The following RAB30 variants were observed in gnomAD, a reference collection of about 807,000 sequenced individuals.
The protein encoded by RAB30 is RAB30, member RAS oncogene family, also known as ras-related protein Rab-30.
In RAB30, 9 loss-of-function variants were observed where a neutral mutation model predicts 25.1. The observed-to-expected ratio is 0.36, with a 90% CI of 0.22 to 0.63. RAB30 has a LOEUF of 0.63. Among genes scored for constraint, RAB30 ranks in the 20% least tolerant of loss-of-function variants. The probability of loss-of-function intolerance (pLI) is 0.69; values close to 1 mark genes in which losing one functional copy is unlikely to be tolerated. For missense variants in RAB30, 140 were observed against 243.5 expected (o/e 0.58, Z 2.83); for synonymous variants, 77 against 86.4 (o/e 0.89, Z 0.60).
intron 1 of RAB30, among the ~76,000 whole-genome samples, chr11:83,032,428 A>G (rs1359935620): frequency 6.6e-6 from 1 of 152,242 alleles, no homozygotes; most frequent in African/African-American, 2.4e-5. Context: ...CAGGGCAGAG[A>G]GTAGACAAAC....
chr11:83,023,110 A>G (rs1857619816), intron 1 of RAB30, among the ~76,000 whole-genome samples: 1 of 152,106 alleles, frequency 6.6e-6, no homozygotes. Context: ...TATGATTAAA[A>G]TTTTTCTAAT....
intron 3 of RAB30, among the ~76,000 whole-genome samples, chr11:82,993,499 A>T (rs1251115544): frequency 6.6e-6 from 1 of 152,204 alleles, no homozygotes. Flanking sequence ...TCCTGGACAC[A>T]CCATACTTCT....
intron 3 of RAB30, among the ~76,000 whole-genome samples, chr11:82,988,892 A>ACC (rs796244361): frequency 1.4e-3 from 102 of 73,806 alleles, no homozygotes; most frequent in African/African-American, 4.7e-3. Context: ...TAGGTTCCCC[A>ACC]CCCCCCCACC....
In RAB30 at chr11:83,071,848, G is replaced by C. The variant is rs930822783; in HGVS notation, c.-166C>G. 1 of 366,640 alleles carries C rather than the reference G, an allele frequency of 2.7e-6. No homozygotes were observed. Among genetic ancestry groups the C allele is most frequent in the Non-Finnish European group, 4.8e-6 (1 of 206,562 alleles). The allele number at this position is 366,640 out of a possible 1,614,324, so 22.7% of individuals were successfully genotyped here. The stretch of plus-strand genomic sequence containing the variant: ...TACACTTAGCTCAGCTGGAGCGAGC[G>C]GCAATCGCAAGCCCAGCAGCAGCAG... On this transcript the variant is annotated 5_prime_UTR_variant, in exon 1 of 5. Transcript: ENST00000527633.
intron 3 of RAB30, among the ~76,000 whole-genome samples, chr11:82,993,683 G>GGGA (rs1238320601): frequency 6.6e-6 from 1 of 152,168 alleles, no homozygotes; most frequent in Non-Finnish European, 1.5e-5. Flanking sequence ...TGTAGAAATC[G>GGGA]GGAGGCTCTT....
At chr11:83,070,503 T>C (rs1171116991) in intron 1 of RAB30, among the ~76,000 whole-genome samples, 1 of 152,196 alleles carries the variant, frequency 6.6e-6, no homozygotes, top group Non-Finnish European at 1.5e-5. Flanking sequence ...TACTCTGGCA[T>C]TTCTCCTTCT....
At chr11:82,991,398 T>C (rs1386995190) in intron 3 of RAB30, among the ~76,000 whole-genome samples, 2 of 150,784 alleles carry the variant, frequency 1.3e-5, no homozygotes, top group East Asian at 3.9e-4. Context: ...TCCCAGCTAC[T>C]TGGGAGGCTG....
intron 1 of RAB30, among the ~76,000 whole-genome samples, chr11:83,016,142 C>G (rs1293277824): frequency 6.6e-6 from 1 of 151,788 alleles, no homozygotes; most frequent in Non-Finnish European, 1.5e-5. Context: ...TGTCTCAAAA[C>G]AAAATAAAAC....
intron 4 of RAB30, among the ~76,000 whole-genome samples, chr11:82,984,609 C>T (rs1856704650): frequency 6.6e-6 from 1 of 152,116 alleles, no homozygotes; most frequent in African/African-American, 2.4e-5. Flanking sequence ...AATAGGAAAA[C>T]TCTCTTGAGG....
chr11:82,995,488 G>A (rs1371571391), intron 2 of RAB30, among the ~76,000 whole-genome samples: 1 of 152,116 alleles, frequency 6.6e-6, no homozygotes, highest in Non-Finnish European at 1.5e-5. Context: ...CCCAACCTCT[G>A]TGCCTAAAAA....
At chr11:83,014,176 T>C (rs1857364181) in intron 1 of RAB30, among the ~76,000 whole-genome samples, 2 of 152,150 alleles carry the variant, frequency 1.3e-5, no homozygotes, top group Non-Finnish European at 1.5e-5. Context: ...TAGTAGAGAA[T>C]TAAAACAGGA....
intron 1 of RAB30, among the ~76,000 whole-genome samples, chr11:83,008,070 G>C (rs78849660): frequency 8.5e-4 from 130 of 152,200 alleles, no homozygotes; most frequent in Non-Finnish European, 1.7e-3. Context: ...CTCTGCAGAA[G>C]CTTCCCTGCG....
At chr11:83,003,591 T>C (rs1177115189) in intron 1 of RAB30, among the ~76,000 whole-genome samples, 3 of 152,078 alleles carry the variant, frequency 2.0e-5, no homozygotes, top group Non-Finnish European at 2.9e-5. Context: ...CCTGGGTAAT[T>C]TGTGTTTTTA....
intron 1 of RAB30, among the ~76,000 whole-genome samples, chr11:83,065,010 G>A (rs113635085): frequency 2.0e-5 from 3 of 151,874 alleles, no homozygotes; most frequent in African/African-American, 4.8e-5. Flanking sequence ...TCTTTCATGC[G>A]TGACATTTTT....
intron 1 of RAB30, among the ~76,000 whole-genome samples, chr11:83,045,402 A>G (rs1395516317): frequency 6.6e-6 from 1 of 152,162 alleles, no homozygotes; most frequent in Non-Finnish European, 1.5e-5. Context: ...AAGTGCTAGC[A>G]TTACAGGCAT....
intron 1 of RAB30, among the ~76,000 whole-genome samples, chr11:83,058,946 T>G (rs1858509443): frequency 6.6e-6 from 1 of 152,204 alleles, no homozygotes; most frequent in South Asian, 2.1e-4. Flanking sequence ...TAAAGCAGCC[T>G]TCTCTAATGT....
chr11:83,070,693 T>C (rs1328559718), intron 1 of RAB30, among the ~76,000 whole-genome samples: 1 of 152,184 alleles, frequency 6.6e-6, no homozygotes, highest in African/African-American at 2.4e-5. Flanking sequence ...TAAGTCAGAA[T>C]GCTTTCTCTC....
chr11:82,983,890 G>A (rs1029884616), intron 4 of RAB30, among the ~76,000 whole-genome samples: 4 of 152,126 alleles, frequency 2.6e-5, no homozygotes, highest in Admixed American at 2.6e-4. Flanking sequence ...ATTATTCTGA[G>A]GTTGCTATCT....
intron 1 of RAB30, among the ~76,000 whole-genome samples, chr11:83,024,259 G>A (rs549059782): frequency 1.7e-4 from 26 of 152,082 alleles, no homozygotes; most frequent in Non-Finnish European, 3.5e-4. Context: ...CTTGTTTTTC[G>A]CTTTCCAATT....
Sources: allele counts gnomAD v4.1 joint callset (sites outside exome capture counted in the v4.1 genomes callset), GRCh38; gene constraint gnomAD v4.1.1; transcripts MANE v1.5; gene names NCBI Gene and HGNC (gene_info 2026-07-23, HGNC 2026-07-21).